LARP4B: variants seen among roughly 807,000 people sequenced by gnomAD.
LARP4B encodes La ribonucleoprotein 4B.
LARP4B carries 12 observed loss-of-function variants against 89.8 expected under a neutral mutation model. That is an observed-to-expected ratio of 0.13 (90% confidence interval 0.09 to 0.22). The LOEUF (loss-of-function observed/expected upper bound fraction) is 0.22. Ranked by LOEUF, LARP4B falls within the 10% of genes least tolerant of loss-of-function variation. The pLI is 1.00. For synonymous variants in LARP4B, 367 were observed against 363.3 expected, an observed-to-expected ratio of 1.01 and a Z score of -0.12; for missense variants, 757 against 947.7, an observed-to-expected ratio of 0.80 and a Z score of 2.64.
chr10:965,812 A>G, the LARP4B span, among the ~76,000 whole-genome samples: 100 of 152,130 alleles, frequency 6.6e-4, 1 homozygote, highest in African/African-American at 2.4e-3. Flanking sequence ...GCAATAAACA[A>G]GTGACATTTT....
At chr10:929,239 A>G (rs1837234724) in intron 1 of LARP4B, among the ~76,000 whole-genome samples, 1 of 145,754 alleles carries the variant, frequency 6.9e-6, no homozygotes. Flanking sequence ...ACAAAACAAA[A>G]AAACAAAAAC....
At chr10:945,243 G>C in the LARP4B span, among the ~76,000 whole-genome samples, 2 of 151,756 alleles carry the variant, frequency 1.3e-5, no homozygotes, top group Non-Finnish European at 2.9e-5. Context: ...AATTAGCTGG[G>C]CATTATGATA....
chr10:813,182 C>T lies in LARP4B; in HGVS notation c.1961G>A (p.Cys654Tyr). The change falls in exon 18 of 18, where the codon TGT (cysteine) becomes TAT (tyrosine). Residue 654 changes from cysteine (C) to tyrosine (Y), a missense_variant. Around this residue, in one of 5 missense-constraint regions of LARP4B, gnomAD observed 387 missense variants for 423.6 expected, o/e 0.91. Coordinates refer to ENST00000316157, the MANE Select transcript of LARP4B (RefSeq NM_015155.3). ...AGGAGGCTCTTTACTCGTTCTCTGA[C>T]AAATCTCTGCGTAGCTGGGCTTTCG... ...ELRKPSYAEI[C>Y]QRTSKEPPSS... is the part of the protein sequence containing the mutation. 6.2e-7 allele frequency: 1 copy of T among 1,612,970 alleles called. No homozygotes were observed. Among genetic ancestry groups the T allele is most frequent in the Non-Finnish European group, 8.5e-7 (1 of 1,179,732 alleles).
At chr10:909,190 A>G (rs990620748) in intron 1 of LARP4B, among the ~76,000 whole-genome samples, 2 of 149,006 alleles carry the variant, frequency 1.3e-5, no homozygotes, top group Non-Finnish European at 3.0e-5. Flanking sequence ...GCTACTCGGG[A>G]GGCTGAGGCA....
chr10:814,432 A>G lies in LARP4B; in HGVS notation c.1929+310T>C, dbSNP rs1053363988. 12 of 428,538 alleles carry G rather than the reference A, an allele frequency of 2.8e-5. No individual in the cohort carries two copies. The highest frequency in any genetic ancestry group is 4.5e-5 in the Non-Finnish European group (10 of 221,240). 26.5% of individuals were successfully genotyped at this position (428,538 alleles called of 1,614,324 possible). A position where few individuals can be genotyped will look rare whatever the true frequency, so the allele number is the denominator to read the frequency against. On this transcript the variant is annotated intron_variant, in intron 17 of 17. Coordinates refer to ENST00000316157, the MANE Select transcript of LARP4B (RefSeq NM_015155.3). The surrounding 1 kb of genome is among the most constrained non-coding windows in gnomAD (Gnocchi z 4.4). Reference sequence around the variant, plus strand: ...ACGCAAACATACACACACGCGCGAAATGCTGAAATGATCCTAAAGTCTATG... The same window carrying G: ...ACGCAAACATACACACACGCGCGAAGTGCTGAAATGATCCTAAAGTCTATG...
At chr10:870,979 G>C (rs188956560) in intron 3 of LARP4B, among the ~76,000 whole-genome samples, 17 of 152,186 alleles carry the variant, frequency 1.1e-4, no homozygotes, top group Non-Finnish European at 2.4e-4. Context: ...CAAAATCAGC[G>C]TTCTCTGTTG....
chr10:870,095 G>T lies in LARP4B; in HGVS notation c.142-5825C>A, dbSNP rs574824428. On this transcript the variant is annotated intron_variant, in intron 3 of 17. Coordinates refer to ENST00000316157, the MANE Select transcript of LARP4B (RefSeq NM_015155.3). ...CTGAGGAGTGTTTTCTGAAAACAAA[G>T]CAATTTCCAAGGCCTGTGGCTTATG... is the stretch of plus-strand genomic sequence containing the variant. The T allele has an allele frequency of 1.5e-3, 1,501 of 977,684 alleles. 2 individuals are homozygous for T. Among genetic ancestry groups the T allele is most frequent in the Non-Finnish European group, 1.8e-3 (1,443 of 822,496 alleles). The allele number at this position is 977,684 out of a possible 1,614,324, so 60.6% of individuals were successfully genotyped here. A position where few individuals can be genotyped will look rare whatever the true frequency, so the allele number is the denominator to read the frequency against.
At chr10:815,867 G>C (rs577190111) in intron 15 of LARP4B, among the ~76,000 whole-genome samples, 9 of 152,306 alleles carry the variant, frequency 5.9e-5, no homozygotes, top group African/African-American at 2.2e-4. Flanking sequence ...TCCTGCGCTC[G>C]ACCAGCAGGA....
chr10:842,088 G>C (rs555265444), intron 7 of LARP4B, among the ~76,000 whole-genome samples: 1 of 152,216 alleles, frequency 6.6e-6, no homozygotes, highest in East Asian at 1.9e-4. Flanking sequence ...TTGAAGTCAG[G>C]CTTAGCAATG....
chr10:891,509 G>C (rs979367955), intron 1 of LARP4B, among the ~76,000 whole-genome samples: 1 of 152,174 alleles, frequency 6.6e-6, no homozygotes, highest in Non-Finnish European at 1.5e-5. Flanking sequence ...AATATTTACA[G>C]GGAAAATAAT....
intron 9 of LARP4B, among the ~76,000 whole-genome samples, chr10:830,091 G>A (rs1004515848): frequency 3.3e-5 from 5 of 152,176 alleles, no homozygotes; most frequent in African/African-American, 9.7e-5. Flanking sequence ...ATGCAGTTCA[G>A]GAAATACCAG....
At chr10:935,313 G>A (rs761823343), upstream of LARP4B, among the ~76,000 whole-genome samples, 4 of 152,176 alleles carry the variant, frequency 2.6e-5, no homozygotes, top group African/African-American at 7.2e-5. Context: ...AGTCGAGGGC[G>A]GCATTCTTTT....
At chr10:974,416 G>A in the LARP4B span, among the ~76,000 whole-genome samples, 3 of 152,180 alleles carry the variant, frequency 2.0e-5, no homozygotes, top group East Asian at 3.8e-4. Context: ...CGTGGCAAAT[G>A]CGTCTGAGTG....
At chr10:965,679 A>C in the LARP4B span, among the ~76,000 whole-genome samples, 1 of 151,800 alleles carries the variant, frequency 6.6e-6, no homozygotes, top group Non-Finnish European at 1.5e-5. Flanking sequence ...CAAGTCGTTC[A>C]AACATTTGTT....
the LARP4B span, among the ~76,000 whole-genome samples, chr10:964,415 T>C: frequency 0.55 from 76,666 of 140,206 alleles, 19,630 homozygotes; most frequent in South Asian, 0.65. Context: ...TAACATTAGT[T>C]ATATCTGTTT....
chr10:938,507 C>A, the LARP4B span, among the ~76,000 whole-genome samples: 2 of 152,176 alleles, frequency 1.3e-5, no homozygotes, highest in Admixed American at 1.3e-4. Context: ...CCCGCCTCGG[C>A]CTCCCAAAGT....
chr10:913,214 G>A (rs973148752), intron 1 of LARP4B, among the ~76,000 whole-genome samples: 1 of 152,148 alleles, frequency 6.6e-6, no homozygotes, highest in Non-Finnish European at 1.5e-5. Flanking sequence ...AGATAATTAA[G>A]AGACTGATAG....
chr10:945,689 G>GAAAA, the LARP4B span, among the ~76,000 whole-genome samples: 2 of 142,596 alleles, frequency 1.4e-5, no homozygotes, highest in Non-Finnish European at 3.0e-5. Context: ...CTCCGTCTCA[G>GAAAA]AAAAAAAAAA....
chr10:834,914 G>A (rs12762228), intron 8 of LARP4B, among the ~76,000 whole-genome samples: 16,896 of 151,728 alleles, frequency 0.11, 1,192 homozygotes, highest in Non-Finnish European at 0.16. Context: ...ACTTTGGGAG[G>A]CCGTAATCCC....
Sources: allele counts gnomAD v4.1 joint callset (sites outside exome capture counted in the v4.1 genomes callset), GRCh38; gene constraint gnomAD v4.1.1; regional missense constraint gnomAD v4.1.1; non-coding constraint Gnocchi (gnomAD v3.1); transcripts MANE v1.5; gene names NCBI Gene and HGNC (gene_info 2026-07-23, HGNC 2026-07-21).